The following TUSC3 variants were observed in gnomAD, a reference collection of about 807,000 sequenced individuals.
TUSC3 encodes tumor suppressor candidate 3.
In TUSC3, 45 loss-of-function variants were observed where a neutral mutation model predicts 44.8. That is an observed-to-expected ratio of 1.00 (90% CI 0.79 to 1.29). TUSC3 has a LOEUF of 1.29. Among genes scored for constraint, TUSC3 ranks in the 50% most tolerant of loss-of-function variants. The pLI, the probability that TUSC3 is intolerant of heterozygous loss-of-function variation, is 0.00. For synonymous variants in TUSC3, 212 were observed against 152.9 expected (o/e 1.39, Z -2.85); for missense variants, 519 against 437.9 (o/e 1.19, Z -1.65).
At chr8:15,499,912 T>C (rs1233618296) in intron 2 of TUSC3, among the ~76,000 whole-genome samples, 1 of 152,234 alleles carries the variant, frequency 6.6e-6, no homozygotes, top group Non-Finnish European at 1.5e-5. Flanking sequence ...TGTATTCTGT[T>C]TCTCTGTAGA....
At chr8:15,700,008 A>G (rs750572719) in intron 6 of TUSC3, among the ~76,000 whole-genome samples, 2 of 152,112 alleles carry the variant, frequency 1.3e-5, no homozygotes, top group African/African-American at 4.8e-5. Context: ...TAATCTTTTT[A>G]TTATCTACAT....
At chr8:15,718,941 T>A (rs1810180793) in intron 6 of TUSC3, among the ~76,000 whole-genome samples, 1 of 152,076 alleles carries the variant, frequency 6.6e-6, no homozygotes, top group African/African-American at 2.4e-5. Flanking sequence ...CATATATATG[T>A]ATATATTTTT....
intron 1 of TUSC3, among the ~76,000 whole-genome samples, chr8:15,573,555 C>G (rs114765837): frequency 0.021 from 3,151 of 152,006 alleles, 44 homozygotes; most frequent in African/African-American, 0.039. Flanking sequence ...TCCTTCCCCC[C>G]TCATCCCTTG....
At chr8:15,810,548 G>A in the TUSC3 span, among the ~76,000 whole-genome samples, 2 of 152,032 alleles carry the variant, frequency 1.3e-5, no homozygotes, top group Non-Finnish European at 2.9e-5. Flanking sequence ...TGAGGTGGGA[G>A]GATCACTTGA....
chr8:15,705,435 A>T (rs984451822), intron 6 of TUSC3, among the ~76,000 whole-genome samples: 2 of 152,136 alleles, frequency 1.3e-5, no homozygotes, highest in Non-Finnish European at 2.9e-5. Context: ...CTATTAAATT[A>T]GATTGATCAC....
intron 6 of TUSC3, among the ~76,000 whole-genome samples, chr8:15,682,172 T>TAAC (rs1808453552): frequency 6.6e-6 from 1 of 152,126 alleles, no homozygotes; most frequent in Non-Finnish European, 1.5e-5. Flanking sequence ...TAGATGTCAG[T>TAAC]TAGGTCCATT....
chr8:15,827,477 T>C, the TUSC3 span, among the ~76,000 whole-genome samples: 4 of 152,164 alleles, frequency 2.6e-5, no homozygotes, highest in Non-Finnish European at 4.4e-5. Flanking sequence ...GATAGACAGA[T>C]TGAAAATTTC....
At chr8:15,625,620 T>C (rs150443923) in intron 2 of TUSC3, among the ~76,000 whole-genome samples, 1 of 152,242 alleles carries the variant, frequency 6.6e-6, no homozygotes, top group East Asian at 1.9e-4. Context: ...GTCCATGTTG[T>C]ATATTCATTG....
chr8:15,641,220 G>A (rs1806351190), intron 2 of TUSC3, among the ~76,000 whole-genome samples: 2 of 152,080 alleles, frequency 1.3e-5, no homozygotes, highest in African/African-American at 2.4e-5. Flanking sequence ...AATTAGCTGG[G>A]CGCGGTGGCA....
At chr8:15,522,794 C>G (rs780985323) in intron 2 of TUSC3, among the ~76,000 whole-genome samples, 4 of 152,088 alleles carry the variant, frequency 2.6e-5, no homozygotes, top group Non-Finnish European at 4.4e-5. Flanking sequence ...CTCCTTTTCT[C>G]TAGTGAGGAA....
chr8:15,543,312 A>C (rs1801751768), intron 1 of TUSC3, among the ~76,000 whole-genome samples: 1 of 152,190 alleles, frequency 6.6e-6, no homozygotes, highest in Admixed American at 6.5e-5. Context: ...CTAGAGGGGA[A>C]GCCAAACTGA....
rs558620895 is a variant in TUSC3, at chr8:15,449,391, A to G, written n.91+32086A>G. On this transcript the variant is annotated intron_variant and non_coding_transcript_variant, in intron 1 of 5. Coordinates refer to the TUSC3 transcript ENST00000503191. ...CTGATGTCAAAAGGTGAAGCAGAGG[A>G]CACGGAAATGTTAACTGCACATCCT... Among the ~76,000 whole-genome samples the G allele has an allele frequency of 1.3e-4, 20 of 152,292 alleles. 1 individual carries two copies. The highest frequency in any genetic ancestry group is 4.6e-4 in the African/African-American group (19 of 41,560).
chr8:15,506,106 G>A (rs2129127645), intron 2 of TUSC3, among the ~76,000 whole-genome samples: 1 of 152,234 alleles, frequency 6.6e-6, no homozygotes, highest in Non-Finnish European at 1.5e-5. Flanking sequence ...TATAAGAGAG[G>A]ATGAAAAAGA....
the TUSC3 span, among the ~76,000 whole-genome samples, chr8:15,780,819 T>C: frequency 6.6e-6 from 1 of 152,108 alleles, no homozygotes; most frequent in Non-Finnish European, 1.5e-5. Context: ...ATCTCCTAGC[T>C]CTAGGAGCAG....
chr8:15,796,957 T>C, the TUSC3 span, among the ~76,000 whole-genome samples: 21 of 152,290 alleles, frequency 1.4e-4, no homozygotes, highest in African/African-American at 5.1e-4. Context: ...AAGGGCGTTA[T>C]AATTTGCTAC....
intron 2 of TUSC3, among the ~76,000 whole-genome samples, chr8:15,504,626 T>A (rs1228235979): frequency 6.6e-4 from 50 of 75,326 alleles, no homozygotes; most frequent in African/African-American, 2.8e-3. Context: ...TATATATTTT[T>A]TTTTTTTTTT....
intron 2 of TUSC3, among the ~76,000 whole-genome samples, chr8:15,521,522 T>C (rs557681109): frequency 6.6e-6 from 1 of 152,120 alleles, no homozygotes; most frequent in Non-Finnish European, 1.5e-5. Context: ...CCATCCAGGG[T>C]GACCAATCTT....
chr8:15,541,820 G>C (rs1043958170), intron 1 of TUSC3, among the ~76,000 whole-genome samples: 1 of 107,936 alleles, frequency 9.3e-6, no homozygotes, highest in East Asian at 2.2e-4. Flanking sequence ...GAGAAAGGTA[G>C]AAGAGTGAAG....
chr8:15,779,948 C>T, the TUSC3 span, among the ~76,000 whole-genome samples: 5 of 152,186 alleles, frequency 3.3e-5, no homozygotes, highest in Admixed American at 3.3e-4. Context: ...AGCGGTCTTT[C>T]TCACCATTTA....
Sources: allele counts gnomAD v4.1 joint callset (sites outside exome capture counted in the v4.1 genomes callset), GRCh38; gene constraint gnomAD v4.1.1; transcripts MANE v1.5; gene names NCBI Gene and HGNC (gene_info 2026-07-23, HGNC 2026-07-21).